ZZEF1: variants seen among roughly 807,000 people sequenced by gnomAD.
The protein encoded by ZZEF1 is zinc finger ZZ-type and EF-hand domain-containing protein 1.
In ZZEF1, 157 loss-of-function variants were observed where a neutral mutation model predicts 342.8. The ratio of observed to expected loss-of-function variants is 0.46; its 90% CI spans 0.40 to 0.52. ZZEF1 has a LOEUF of 0.52. Ranked by LOEUF, ZZEF1 falls within the 20% of genes least tolerant of loss-of-function variation. ZZEF1 has a pLI of 0.00. For missense variants in ZZEF1, 3,480 were observed against 3,725.6 expected (o/e 0.93, Z 1.72); for synonymous variants, 1,505 against 1,429.1 (o/e 1.05, Z -1.20).
At chr17:4,106,457 A>G (rs2058214003) in intron 6 of ZZEF1, among the ~76,000 whole-genome samples, 1 of 149,968 alleles carries the variant, frequency 6.7e-6, no homozygotes. Flanking sequence ...AATTTATTTT[A>G]TAATTTGTTC....
Position 4,006,607 on chromosome 17 carries a change from C to A in ZZEF1, c.*283G>T. On this transcript the variant is annotated 3_prime_UTR_variant, in exon 55 of 55. Coordinates refer to ENST00000381638, the MANE Select transcript of ZZEF1 (RefSeq NM_015113.4). ...GGCCCACGGCTCCTGCAGTGACAGC[C>A]TCTGGAGAAGGCTGGTCTCTGAACC... is the stretch of plus-strand genomic sequence containing the variant. The A allele has an allele frequency of 2.2e-6, 1 of 461,296 alleles. No homozygotes were observed. The highest frequency in any genetic ancestry group is 3.6e-5 in the Admixed American group (1 of 27,554). The allele number at this position is 461,296 out of a possible 1,614,324, so 28.6% of individuals were successfully genotyped here. A position where few individuals can be genotyped will look rare whatever the true frequency, so the allele number is the denominator to read the frequency against.
At chr17:4,078,146 T>G in intron 18 of ZZEF1, 104 bp from the exon 19 acceptor site, 2 of 1,212,430 alleles carry the variant, frequency 1.6e-6, no homozygotes, top group East Asian at 2.5e-5. Flanking sequence ...AAAAACAAAC[T>G]ATAGCCACGG....
rs1388010835 is a variant in ZZEF1 at position 4,115,101 on chromosome 17, A to C, written c.695-631T>G. Among the ~76,000 whole-genome samples the C allele has an allele frequency of 2.6e-5, 4 of 152,190 alleles. No homozygotes were observed. In the East Asian group the frequency reaches 5.8e-4, roughly 22 times the overall value. ...CAGTGGTGTGATCACAGCTCACCGC[A>C]GCCTCGATCTCCTAGGCTCAAGTGA... On this transcript the variant is annotated intron_variant, in intron 3 of 54. Coordinates refer to ENST00000381638, the MANE Select transcript of ZZEF1 (RefSeq NM_015113.4).
rs1336566201 is a variant in ZZEF1 at position 4,129,809 on chromosome 17, T to C, written c.355-5758A>G. 3.3e-5 allele frequency among the ~76,000 whole-genome samples: 5 copies of C among 152,170 alleles called. No individual in the cohort carries two copies. In the South Asian group the frequency reaches 1.0e-3, roughly 32 times the overall value. On this transcript the variant is annotated intron_variant, in intron 1 of 54. Transcript: ENST00000381638. ...AATAAAAAAGAAAATATGGTACATATACACCATGGAATACTATGCAGCCAT... is the reference window on the plus strand; with the variant it reads ...AATAAAAAAGAAAATATGGTACATACACACCATGGAATACTATGCAGCCAT...
At position 4,122,373 on chromosome 17, in the gene ZZEF1, T is replaced by C. The variant is rs76129910; in HGVS notation, c.499+1534A>G. On this transcript the variant is annotated intron_variant, in intron 2 of 54. Coordinates refer to ENST00000381638, the MANE Select transcript of ZZEF1 (RefSeq NM_015113.4). ...CAAAAAAATACAAAAACACAGGCCA[T>C]GTCTTTTCTTTTTTTTTTTTTCCAG... 6.5e-3 allele frequency among the ~76,000 whole-genome samples: 993 copies of C among 151,890 alleles called. 14 individuals are homozygous for C. The highest frequency in any genetic ancestry group is 0.023 in the African/African-American group (939 of 41,466).
intron 6 of ZZEF1, among the ~76,000 whole-genome samples, chr17:4,106,127 T>G (rs1012905050): frequency 2.6e-5 from 4 of 152,172 alleles, no homozygotes; most frequent in African/African-American, 7.2e-5. Flanking sequence ...TTTGTATTTT[T>G]AGTAGAGACA....
intron 18 of ZZEF1, among the ~76,000 whole-genome samples, chr17:4,079,396 A>G (rs1437119262): frequency 6.6e-6 from 1 of 152,190 alleles, no homozygotes; most frequent in East Asian, 1.9e-4. Context: ...GCTCCAGAAG[A>G]AAGGGAAGGT....
rs398119642 is a variant in ZZEF1, at chr17:4,140,875, GA to G, written c.354+1666del. On this transcript the variant is annotated intron_variant, in intron 1 of 54. Coordinates refer to ENST00000381638, the MANE Select transcript of ZZEF1 (RefSeq NM_015113.4). ...AAGGTACTATGTGTATTCCTGGGGG[GA>G]AAAAAAAAGGAGATCTTTCACTAAC... Among the ~76,000 whole-genome samples, 434 of 145,792 alleles carry G rather than the reference GA, an allele frequency of 3.0e-3. 2 individuals carry two copies. Among genetic ancestry groups the G allele is most frequent in the South Asian group, 0.013 (62 of 4,628 alleles).
At chr17:4,020,042 GA>G (rs2056227315) in intron 45 of ZZEF1, 1 of 323,210 alleles carries the variant, frequency 3.1e-6, no homozygotes, top group Non-Finnish European at 5.6e-6. Context: ...GCTGACAGTA[GA>G]TACTTACCAC....
chr17:4,050,758 G>C, intron 36 of ZZEF1, 23 bp downstream of exon 36: 1 of 1,612,356 alleles, frequency 6.2e-7, no homozygotes, highest in Non-Finnish European at 8.5e-7. Context: ...GCTGGTTTTG[G>C]TTTCTGTGCA....
At chr17:4,097,230 C>T (rs538325478) in intron 9 of ZZEF1, among the ~76,000 whole-genome samples, 123 of 142,976 alleles carry the variant, frequency 8.6e-4, no homozygotes, top group Middle Eastern at 3.6e-3. Context: ...CCAGCCTGGG[C>T]AACAGAGTGA....
chr17:4,122,401 G>A (rs1387847524), intron 2 of ZZEF1, among the ~76,000 whole-genome samples: 2 of 150,332 alleles, frequency 1.3e-5, no homozygotes, highest in African/African-American at 2.4e-5. Context: ...TTTTCCAGAC[G>A]GAGTTTCGCT....
chr17:4,073,007 C>T (rs1263638520), intron 24 of ZZEF1, among the ~76,000 whole-genome samples: 1 of 152,216 alleles, frequency 6.6e-6, no homozygotes, highest in Non-Finnish European at 1.5e-5. Flanking sequence ...AATGACTAAT[C>T]TGTTTATAGT....
intron 1 of ZZEF1, among the ~76,000 whole-genome samples, chr17:4,132,919 TCA>T (rs1597945146): frequency 6.6e-6 from 1 of 151,786 alleles, no homozygotes; most frequent in East Asian, 1.9e-4. Context: ...TGAGCTGAGA[TCA>T]CGCCACTGCA....
chr17:4,027,594 CTTT>C (rs35210596), intron 42 of ZZEF1, among the ~76,000 whole-genome samples: 7 of 119,718 alleles, frequency 5.8e-5, no homozygotes, highest in South Asian at 2.7e-4. Context: ...TGTGCCCTGC[CTTT>C]TTTTTTTTTT....
chr17:4,133,278 C>T (rs1357167677), intron 1 of ZZEF1, among the ~76,000 whole-genome samples: 1 of 129,432 alleles, frequency 7.7e-6, no homozygotes, highest in Non-Finnish European at 1.8e-5. Flanking sequence ...TTCCTCATAA[C>T]AGTAACAGTA....
chr17:4,065,505 C>A (rs1365730675), intron 28 of ZZEF1, among the ~76,000 whole-genome samples: 1 of 151,968 alleles, frequency 6.6e-6, no homozygotes, highest in East Asian at 1.9e-4. Flanking sequence ...AAATCAAAAT[C>A]TCGCCAGTAC....
intron 3 of ZZEF1, 85 bp downstream of exon 3, chr17:4,116,887 G>C: frequency 7.4e-7 from 1 of 1,360,372 alleles, no homozygotes; most frequent in Non-Finnish European, 9.9e-7. Context: ...AATGAAGGCA[G>C]GGAAAAGAAT....
At chr17:4,132,950 A>G (rs912745516) in intron 1 of ZZEF1, among the ~76,000 whole-genome samples, 3 of 151,340 alleles carry the variant, frequency 2.0e-5, no homozygotes, top group African/African-American at 7.3e-5. Context: ...TGGGCGACAG[A>G]GCGAGACTCC....
Sources: allele counts gnomAD v4.1 joint callset (sites outside exome capture counted in the v4.1 genomes callset), GRCh38; gene constraint gnomAD v4.1.1; transcripts MANE v1.5; gene names NCBI Gene and HGNC (gene_info 2026-07-23, HGNC 2026-07-21).